DPP10: variants seen among roughly 807,000 people sequenced by gnomAD.
DPP10 encodes the protein dipeptidyl peptidase like 10.
In DPP10, 33 loss-of-function variants were observed where a neutral mutation model predicts 120.9. That is an observed-to-expected ratio of 0.27 (90% CI 0.21 to 0.37). DPP10 has a LOEUF of 0.37. DPP10 is among the 10% of genes least tolerant of loss of function. The probability of loss-of-function intolerance (pLI) is 1.00; values close to 1 mark genes in which losing one functional copy is unlikely to be tolerated. For missense variants in DPP10, 816 were observed against 942.8 expected (o/e 0.87, Z 1.76); for synonymous variants, 337 against 326.1 (o/e 1.03, Z -0.36).
At chr2:115,095,770 GTAGT>G (rs1409414400) in intron 1 of DPP10, among the ~76,000 whole-genome samples, 1 of 151,922 alleles carries the variant, frequency 6.6e-6, no homozygotes, top group East Asian at 1.9e-4. Flanking sequence ...ATTCATTTCT[GTAGT>G]TAAATAACAG....
At chr2:115,839,496 A>G (rs1034686214) in intron 24 of DPP10, among the ~76,000 whole-genome samples, 3 of 151,642 alleles carry the variant, frequency 2.0e-5, no homozygotes, top group African/African-American at 7.3e-5. Flanking sequence ...CAACATGGTG[A>G]AACCCCGTCT....
chr2:115,813,370 C>T, intron 19 of DPP10, among the ~76,000 whole-genome samples: 1 of 152,156 alleles, frequency 6.6e-6, no homozygotes, highest in Non-Finnish European at 1.5e-5. Flanking sequence ...CCTCTTTGCG[C>T]CTCTTCATAT....
chr2:114,926,764 C>T (rs1376036549), intron 1 of DPP10, among the ~76,000 whole-genome samples: 2 of 152,156 alleles, frequency 1.3e-5, no homozygotes, highest in Non-Finnish European at 2.9e-5. Context: ...TAAAAGGCAA[C>T]TGCCTCTAGC....
intron 1 of DPP10, among the ~76,000 whole-genome samples, chr2:114,449,295 C>T (rs549024877): frequency 1.3e-5 from 2 of 152,140 alleles, no homozygotes; most frequent in Admixed American, 6.6e-5. Context: ...GGAAGTAGCA[C>T]ACAACTGGAA....
intron 1 of DPP10, among the ~76,000 whole-genome samples, chr2:114,981,329 C>T (rs1248268550): frequency 6.6e-6 from 1 of 151,828 alleles, no homozygotes; most frequent in East Asian, 1.9e-4. Context: ...TAATGGATTA[C>T]TTGTAGCCAA....
At chr2:114,773,730 T>G (rs1681476415) in intron 1 of DPP10, among the ~76,000 whole-genome samples, 1 of 152,188 alleles carries the variant, frequency 6.6e-6, no homozygotes, top group Non-Finnish European at 1.5e-5. Context: ...TTTAAGAATC[T>G]GAACTTACTA....
At chr2:115,745,948 A>G (rs1677913097) in intron 9 of DPP10, 138 bp from the exon 10 acceptor site, 4 of 602,022 alleles carry the variant, frequency 6.6e-6, no homozygotes, top group South Asian at 4.8e-5. Flanking sequence ...CGAATTTAAA[A>G]TCATTTCTAC....
chr2:115,812,258 C>T (rs1458310053), intron 19 of DPP10, among the ~76,000 whole-genome samples: 1 of 152,098 alleles, frequency 6.6e-6, no homozygotes, highest in African/African-American at 2.4e-5. Flanking sequence ...GCAATAAATC[C>T]ACAAGCTTCA....
At chr2:115,016,066 G>A (rs1467553568) in intron 1 of DPP10, among the ~76,000 whole-genome samples, 2 of 152,014 alleles carry the variant, frequency 1.3e-5, no homozygotes, top group African/African-American at 2.4e-5. Context: ...AAAAGAACAA[G>A]GCTGGAAGCA....
chr2:115,442,363 T>TTGTGTGTGTGTG (rs555025083), intron 3 of DPP10, among the ~76,000 whole-genome samples: 2,197 of 147,324 alleles, frequency 0.015, 57 homozygotes, highest in African/African-American at 0.051. Context: ...GTGTGTGTGT[T>TTGTGTGTGTGTG]TGTGTGTGTG....
intron 3 of DPP10, among the ~76,000 whole-genome samples, chr2:115,485,775 A>G (rs2075741535): frequency 6.6e-6 from 1 of 152,134 alleles, no homozygotes; most frequent in African/African-American, 2.4e-5. Flanking sequence ...TACTCTATGC[A>G]ATTATGTTGA....
intron 4 of DPP10, among the ~76,000 whole-genome samples, chr2:115,504,976 C>T (rs902055942): frequency 1.3e-5 from 2 of 152,048 alleles, no homozygotes; most frequent in Non-Finnish European, 2.9e-5. Context: ...TCATACAGTT[C>T]CCCATAGGTT....
intron 1 of DPP10, among the ~76,000 whole-genome samples, chr2:114,683,224 C>A (rs544613309): frequency 6.6e-6 from 1 of 152,050 alleles, no homozygotes; most frequent in African/African-American, 2.4e-5. Context: ...ATGGTAAATT[C>A]TTTCTATCTT....
At chr2:115,707,421 TACACAC>T (rs35961586) in intron 7 of DPP10, among the ~76,000 whole-genome samples, 4,013 of 138,752 alleles carry the variant, frequency 0.029, 65 homozygotes, top group Middle Eastern at 0.046. Flanking sequence ...AAACAAATTT[TACACAC>T]ACACACACAC....
chr2:114,601,025 A>G (rs1246305073), intron 1 of DPP10, among the ~76,000 whole-genome samples: 1 of 151,930 alleles, frequency 6.6e-6, no homozygotes, highest in Non-Finnish European at 1.5e-5. Flanking sequence ...CTTACCTTAG[A>G]AGGCTGTGCT....
At chr2:114,945,681 C>T (rs1454167375) in intron 1 of DPP10, among the ~76,000 whole-genome samples, 2 of 151,746 alleles carry the variant, frequency 1.3e-5, no homozygotes, top group Admixed American at 6.6e-5. Context: ...CTGGGCATGG[C>T]GGCGGACACC....
intron 1 of DPP10, among the ~76,000 whole-genome samples, chr2:114,543,825 T>G (rs1687147170): frequency 6.6e-6 from 1 of 152,140 alleles, no homozygotes; most frequent in Non-Finnish European, 1.5e-5. Flanking sequence ...GCTAGTCTAC[T>G]AGACTTTTGG....
At chr2:114,758,259 C>T (rs531401606) in intron 1 of DPP10, among the ~76,000 whole-genome samples, 3 of 152,286 alleles carry the variant, frequency 2.0e-5, no homozygotes, top group African/African-American at 7.2e-5. Flanking sequence ...CCAAACAATC[C>T]TTCCCTAATA....
chr2:114,797,440 C>T (rs1009200573), intron 1 of DPP10, among the ~76,000 whole-genome samples: 18 of 152,146 alleles, frequency 1.2e-4, no homozygotes, highest in African/African-American at 4.1e-4. Context: ...CTCAATTCTA[C>T]TTTTTAAATG....
Sources: allele counts gnomAD v4.1 joint callset (sites outside exome capture counted in the v4.1 genomes callset), GRCh38; gene constraint gnomAD v4.1.1; transcripts MANE v1.5; gene names NCBI Gene and HGNC (gene_info 2026-07-23, HGNC 2026-07-21).